SEL1L3: variants seen among roughly 807,000 people sequenced by gnomAD.
SEL1L3 encodes SEL1L family member 3, also known as protein sel-1 homolog 3.
SEL1L3 carries 76 observed loss-of-function variants against 142.8 expected under a neutral mutation model. The observed-to-expected ratio is 0.53, with a 90% CI of 0.44 to 0.64. The LOEUF is 0.64. SEL1L3 is among the 30% of genes least tolerant of loss of function. SEL1L3 has a pLI of 0.00. For synonymous variants in SEL1L3, 504 were observed against 519.6 expected (o/e 0.97, Z 0.41); for missense variants, 1,262 against 1,381.7 (o/e 0.91, Z 1.37).
At chr4:25,718,892 C>T in the SEL1L3 span, 1 of 152,132 alleles carries the variant, frequency 6.6e-6, no homozygotes, top group Non-Finnish European at 1.5e-5. Context: ...AGTATTATTA[C>T]TAGGCTGGGC....
chr4:25,834,396 G>T (rs1715650765), intron 3 of SEL1L3, among the ~76,000 whole-genome samples: 1 of 152,206 alleles, frequency 6.6e-6, no homozygotes, highest in South Asian at 2.1e-4. Flanking sequence ...GTGAAACATG[G>T]ATCAAGGTCA....
intron 9 of SEL1L3, among the ~76,000 whole-genome samples, chr4:25,807,297 T>C (rs1164557670): frequency 2.0e-5 from 3 of 152,194 alleles, no homozygotes; most frequent in Non-Finnish European, 4.4e-5. Flanking sequence ...TCCACTTCCC[T>C]CTGCTAATCT....
intron 11 of SEL1L3, among the ~76,000 whole-genome samples, chr4:25,800,097 A>T (rs986163931): frequency 6.6e-6 from 1 of 152,222 alleles, no homozygotes; most frequent in Non-Finnish European, 1.5e-5. Context: ...GCACTAATAA[A>T]GATGAAATGA....
chr4:25,822,843 A>G (rs1334643626), intron 6 of SEL1L3, among the ~76,000 whole-genome samples: 1 of 152,232 alleles, frequency 6.6e-6, no homozygotes, highest in Non-Finnish European at 1.5e-5. Flanking sequence ...TATATTCGCC[A>G]AAGATGGGAG....
At chr4:25,811,920 T>C (rs185706051) in intron 9 of SEL1L3, among the ~76,000 whole-genome samples, 9 of 152,300 alleles carry the variant, frequency 5.9e-5, no homozygotes, top group Admixed American at 2.0e-4. Flanking sequence ...ACTTAGTGAA[T>C]AGAAAGATAA....
At chr4:25,799,577 C>T (rs188713877) in intron 11 of SEL1L3, among the ~76,000 whole-genome samples, 84 of 152,174 alleles carry the variant, frequency 5.5e-4, no homozygotes, top group Middle Eastern at 6.8e-3. Context: ...AGAGGGGAGA[C>T]GATGAGCAAC....
Position 25,788,391 on chromosome 4 carries a change from A to C in SEL1L3, c.2077-27T>G. ...TTAAAGATAATAGCAATTTAGAACAATGACTTTTCCTGTATAATGCTTAAC... is the reference window on the plus strand; with the variant it reads ...TTAAAGATAATAGCAATTTAGAACACTGACTTTTCCTGTATAATGCTTAAC... On this transcript the variant is annotated intron_variant, in intron 12 of 23. Transcript: ENST00000399878. The surrounding 1 kb of genome is among the most constrained non-coding windows in gnomAD (Gnocchi z 5.3). 2 of 1,612,242 alleles carry C rather than the reference A, an allele frequency of 1.2e-6. No homozygotes were observed. The highest frequency in any genetic ancestry group is 1.7e-6 in the Non-Finnish European group (2 of 1,179,216).
Position 25,757,607 on chromosome 4 carries a change from C to G in SEL1L3, c.3187-1G>C. 6.4e-7 allele frequency: 1 copy of G among 1,553,566 alleles called. No homozygotes were observed. Among genetic ancestry groups the G allele is most frequent in the Non-Finnish European group, 8.7e-7 (1 of 1,148,212 alleles). Reference sequence around the variant, plus strand: ...GCAGAAAGGTTCCCAGAAAGTAGATCTGCAAACATCAGAAGCACGCATTAG... The same window carrying G: ...GCAGAAAGGTTCCCAGAAAGTAGATGTGCAAACATCAGAAGCACGCATTAG... On this transcript the variant is annotated splice_acceptor_variant, in intron 22 of 23. Transcript: ENST00000399878. LOFTEE classifies it high-confidence loss of function.
intron 17 of SEL1L3, among the ~76,000 whole-genome samples, chr4:25,771,453 T>C (rs1285136966): frequency 1.3e-5 from 2 of 152,252 alleles, no homozygotes; most frequent in Non-Finnish European, 2.9e-5. Context: ...ATCAATCCTT[T>C]GGCTGCTTGC....
At chr4:25,825,664 C>CTTTT (rs1470915205) in intron 6 of SEL1L3, among the ~76,000 whole-genome samples, 1 of 108,234 alleles carries the variant, frequency 9.2e-6, no homozygotes, top group African/African-American at 3.6e-5. Flanking sequence ...GGTCTAAATT[C>CTTTT]TATTTTTTTT....
chr4:25,829,085 G>C (rs1008290665), intron 6 of SEL1L3, among the ~76,000 whole-genome samples: 3 of 152,206 alleles, frequency 2.0e-5, no homozygotes, highest in African/African-American at 7.2e-5. Flanking sequence ...CCATTCTCGT[G>C]CCTCAGCCAC....
chr4:25,847,955 A>G, intron 1 of SEL1L3, 91 bp from the exon 2 acceptor site: 2 of 815,752 alleles, frequency 2.5e-6, no homozygotes, highest in Non-Finnish European at 3.8e-6. Flanking sequence ...CTGGGATAAA[A>G]AAATATCAAT....
chr4:25,822,079 C>G lies in SEL1L3; in HGVS notation c.1207G>C (p.Gly403Arg). 6.2e-7 allele frequency: 1 copy of G among 1,613,882 alleles called. No homozygotes were observed. The highest frequency in any genetic ancestry group is 1.7e-5 in the Admixed American group (1 of 60,026). The change falls in exon 7 of 24, where the codon GGA becomes CGA. Residue 403 changes from glycine to arginine, a missense_variant. This residue lies in a region of SEL1L3 where 689 missense variants were observed against 692.8 expected (regional missense o/e 0.99). Coordinates refer to ENST00000399878, the MANE Select transcript of SEL1L3 (RefSeq NM_015187.5). ...ATGCCAGCCACATACCTGCTCCCTC[C>G]AATAATGAAGTACCCAGCTGTGTCA... ...YNDTAGYFII[G>R]GSRYVAGIEG... is the part of the protein sequence containing the mutation.
the SEL1L3 span, among the ~76,000 whole-genome samples, chr4:25,730,154 G>C: frequency 6.6e-6 from 1 of 151,920 alleles, no homozygotes; most frequent in Non-Finnish European, 1.5e-5. Flanking sequence ...GTCTGGTCTC[G>C]AACTCCTGAC....
At chr4:25,813,512 C>A (rs951817010) in intron 9 of SEL1L3, among the ~76,000 whole-genome samples, 20 of 152,252 alleles carry the variant, frequency 1.3e-4, no homozygotes, top group Admixed American at 1.3e-3. Context: ...CTAAAGCAGT[C>A]AAACTCATCG....
Position 25,757,589 on chromosome 4 carries a change from G to A in SEL1L3, c.3204C>T (p.Thr1068=), listed in dbSNP as rs1577559041. The change falls in exon 23 of 24, where the codon ACC becomes ACT. Residue 1068 remains threonine, a synonymous_variant. Transcript: ENST00000399878. The part of the protein sequence containing the change: ...LHSALIYFLG[T]FLLSILIAWT... Reference sequence around the variant, plus strand: ...AGGCGATCAATATGGATAGCAGAAAGGTTCCCAGAAAGTAGATCTGCAAAC... The same window carrying A: ...AGGCGATCAATATGGATAGCAGAAAAGTTCCCAGAAAGTAGATCTGCAAAC... 6.4e-7 allele frequency: 1 copy of A among 1,552,632 alleles called. No individual in the cohort carries two copies. Among genetic ancestry groups the A allele is most frequent in the Non-Finnish European group, 8.7e-7 (1 of 1,147,764 alleles).
At chr4:25,835,877 A>G (rs763626486) in intron 2 of SEL1L3, among the ~76,000 whole-genome samples, 6 of 152,240 alleles carry the variant, frequency 3.9e-5, no homozygotes, top group Non-Finnish European at 7.3e-5. Flanking sequence ...GCAATATGCT[A>G]AGCCCAATTC....
chr4:25,786,711 T>C (rs1206506244), intron 13 of SEL1L3, among the ~76,000 whole-genome samples: 2 of 152,194 alleles, frequency 1.3e-5, no homozygotes, highest in Non-Finnish European at 2.9e-5. Flanking sequence ...GAGCCTGGCA[T>C]TGGTCAGCCC....
intron 12 of SEL1L3, among the ~76,000 whole-genome samples, chr4:25,789,617 T>C (rs1712148241): frequency 6.7e-6 from 1 of 149,706 alleles, no homozygotes; most frequent in Admixed American, 6.7e-5. Context: ...CCCTGTACTG[T>C]CTGCTTTGTC....
Sources: allele counts gnomAD v4.1 joint callset (sites outside exome capture counted in the v4.1 genomes callset), GRCh38; gene constraint gnomAD v4.1.1; regional missense constraint gnomAD v4.1.1; non-coding constraint Gnocchi (gnomAD v3.1); transcripts MANE v1.5; gene names NCBI Gene and HGNC (gene_info 2026-07-23, HGNC 2026-07-21).